The following SLC24A3 variants were observed in gnomAD, a reference collection of about 807,000 sequenced individuals.
SLC24A3 encodes the protein solute carrier family 24 member 3.
A neutral mutation model predicts 75.8 loss-of-function variants in SLC24A3; 28 were observed. The ratio of observed to expected loss-of-function variants is 0.37; its 90% confidence interval spans 0.27 to 0.51. The LOEUF (loss-of-function observed/expected upper bound fraction) is 0.51, where lower values mean the gene tolerates loss of function less well. SLC24A3 is among the 20% of genes least tolerant of loss of function. The pLI, the probability that SLC24A3 is intolerant of heterozygous loss-of-function variation, is 0.94. For synonymous variants in SLC24A3, 372 were observed against 334.1 expected, an observed-to-expected ratio of 1.11 and a Z score of -1.24; for missense variants, 663 against 847.8, an observed-to-expected ratio of 0.78 and a Z score of 2.71.
At chr20:19,235,718 G>T (rs996077217) in intron 1 of SLC24A3, among the ~76,000 whole-genome samples, 7 of 152,196 alleles carry the variant, frequency 4.6e-5, no homozygotes, top group African/African-American at 1.7e-4. Context: ...CATGGACTGA[G>T]CTTCCTGCAG....
intron 12 of SLC24A3, among the ~76,000 whole-genome samples, chr20:19,693,047 G>A (rs2122134525): frequency 6.6e-6 from 1 of 152,228 alleles, no homozygotes; most frequent in African/African-American, 2.4e-5. Flanking sequence ...CAGGTGGGCA[G>A]TGGGTAATTT....
intron 2 of SLC24A3, among the ~76,000 whole-genome samples, chr20:19,427,056 C>T (rs567767489): frequency 4.0e-5 from 6 of 151,840 alleles, no homozygotes; most frequent in East Asian, 3.9e-4. Context: ...CCTGTGTGTG[C>T]GTGTGTGTGT....
At chr20:19,395,962 A>G (rs1986446237) in intron 2 of SLC24A3, among the ~76,000 whole-genome samples, 4 of 152,138 alleles carry the variant, frequency 2.6e-5, no homozygotes, top group Admixed American at 2.6e-4. Context: ...CACCCTCCAA[A>G]CCCTGAGATG....
At chr20:19,278,891 T>A (rs1034892789) in intron 1 of SLC24A3, among the ~76,000 whole-genome samples, 8 of 152,264 alleles carry the variant, frequency 5.3e-5, no homozygotes, top group African/African-American at 1.9e-4. Context: ...GTTCATGAGC[T>A]ACTGATATTA....
chr20:19,270,877 C>T (rs188253384), intron 1 of SLC24A3, among the ~76,000 whole-genome samples: 129 of 152,172 alleles, frequency 8.5e-4, no homozygotes, highest in African/African-American at 2.8e-3. Context: ...TGGGGTCAGT[C>T]AACATCCCTG....
At chr20:19,374,174 C>G (rs1986039516) in intron 2 of SLC24A3, among the ~76,000 whole-genome samples, 1 of 152,030 alleles carries the variant, frequency 6.6e-6, no homozygotes, top group South Asian at 2.1e-4. Flanking sequence ...CATCATGTTT[C>G]AAAAATGGGA....
chr20:19,223,893 A>G (rs890163738), intron 1 of SLC24A3, among the ~76,000 whole-genome samples: 2 of 152,222 alleles, frequency 1.3e-5, no homozygotes, highest in African/African-American at 2.4e-5. Flanking sequence ...TGCAGAATGG[A>G]TCAGCTGGAC....
intron 3 of SLC24A3, among the ~76,000 whole-genome samples, chr20:19,517,763 G>T (rs2030023952): frequency 6.6e-6 from 1 of 152,202 alleles, no homozygotes; most frequent in Non-Finnish European, 1.5e-5. Flanking sequence ...GCCCTTGCAG[G>T]TTTTCTCCCT....
chr20:19,589,303 A>G (rs2031340611), intron 6 of SLC24A3, among the ~76,000 whole-genome samples: 1 of 152,280 alleles, frequency 6.6e-6, no homozygotes, highest in Non-Finnish European at 1.5e-5. Context: ...CTGGAGAGCC[A>G]CTAAGTTATC....
intron 2 of SLC24A3, among the ~76,000 whole-genome samples, chr20:19,405,366 C>T (rs1043860549): frequency 1.3e-5 from 2 of 152,112 alleles, no homozygotes; most frequent in Non-Finnish European, 2.9e-5. Flanking sequence ...TCTGTCTTCC[C>T]GTTTTTTCTG....
At chr20:19,338,731 A>G (rs1363873222) in intron 2 of SLC24A3, among the ~76,000 whole-genome samples, 2 of 152,206 alleles carry the variant, frequency 1.3e-5, no homozygotes, top group Non-Finnish European at 2.9e-5. Context: ...TTCAGGTTTT[A>G]CATCAATAGA....
intron 3 of SLC24A3, among the ~76,000 whole-genome samples, chr20:19,548,426 G>A (rs1306606305): frequency 2.0e-5 from 3 of 152,174 alleles, no homozygotes; most frequent in South Asian, 2.1e-4. Context: ...ATAGGTCTGT[G>A]CACTAGTATG....
At chr20:19,464,628 A>C (rs897613716) in intron 2 of SLC24A3, among the ~76,000 whole-genome samples, 1 of 152,316 alleles carries the variant, frequency 6.6e-6, no homozygotes. Context: ...CCTGTTTGTT[A>C]GTACTTAATG....
At chr20:19,561,127 G>A (rs1286905543) in intron 3 of SLC24A3, among the ~76,000 whole-genome samples, 1 of 152,102 alleles carries the variant, frequency 6.6e-6, no homozygotes, top group Non-Finnish European at 1.5e-5. Flanking sequence ...CTGTGGTTAT[G>A]TAGATCAGAG....
chr20:19,356,561 C>T (rs1056556400), intron 2 of SLC24A3, among the ~76,000 whole-genome samples: 1 of 152,182 alleles, frequency 6.6e-6, no homozygotes. Context: ...TATAGTGTGG[C>T]TCTACCACAG....
At chr20:19,661,704 T>C (rs2032328560) in intron 7 of SLC24A3, among the ~76,000 whole-genome samples, 1 of 152,204 alleles carries the variant, frequency 6.6e-6, no homozygotes, top group Admixed American at 6.5e-5. Context: ...CCTCTCCTGC[T>C]TCATGGTGAC....
At chr20:19,298,683 G>A (rs1984118824) in intron 2 of SLC24A3, among the ~76,000 whole-genome samples, 1 of 152,204 alleles carries the variant, frequency 6.6e-6, no homozygotes, top group African/African-American at 2.4e-5. Context: ...CCTTCTGCAA[G>A]AAAATAGAAG....
chr20:19,606,458 A>G (rs1023831532), intron 6 of SLC24A3, among the ~76,000 whole-genome samples: 1 of 152,230 alleles, frequency 6.6e-6, no homozygotes, highest in Non-Finnish European at 1.5e-5. Context: ...ATGCAAAAAC[A>G]CAAAATTTTT....
chr20:19,635,276 G>A (rs1227230277), intron 6 of SLC24A3, among the ~76,000 whole-genome samples: 3 of 152,172 alleles, frequency 2.0e-5, no homozygotes, highest in South Asian at 2.1e-4. Flanking sequence ...ATAAGATGTG[G>A]TTGTATTGAT....
Sources: allele counts gnomAD v4.1 joint callset (sites outside exome capture counted in the v4.1 genomes callset), GRCh38; gene constraint gnomAD v4.1.1; transcripts MANE v1.5; gene names NCBI Gene and HGNC (gene_info 2026-07-23, HGNC 2026-07-21).